The following ABL2 variants were observed in gnomAD, a reference collection of about 807,000 sequenced individuals.
The protein encoded by ABL2 is ABL proto-oncogene 2, non-receptor tyrosine kinase.
Under a neutral mutation model 107.7 loss-of-function variants are expected in ABL2, and 49 were observed. The observed-to-expected ratio is 0.45, with a 90% CI of 0.36 to 0.58. ABL2 has a LOEUF of 0.58. ABL2 is among the 20% of genes least tolerant of loss of function. The pLI is 0.00. For missense variants in ABL2, 1,245 were observed against 1,457.0 expected (o/e 0.85, Z 2.37); for synonymous variants, 549 against 548.6 (o/e 1.00, Z -0.01).
rs1313637834 is a variant in ABL2, at chr1:179,126,733, C to T, written c.392-61G>A. 2 of 1,450,062 alleles carry T rather than the reference C, an allele frequency of 1.4e-6. No individual in the cohort carries two copies. Among genetic ancestry groups the T allele is most frequent in the Non-Finnish European group, 1.9e-6 (2 of 1,066,820 alleles). The allele number at this position is 1,450,062 out of a possible 1,614,324, so 89.8% of individuals were successfully genotyped here. A position where few individuals can be genotyped will look rare whatever the true frequency, so the allele number is the denominator to read the frequency against. On this transcript the variant is annotated intron_variant, in intron 3 of 11. Transcript: ENST00000502732. This position sits in a 1 kb window ranked among gnomAD's most constrained non-coding sequence, Gnocchi z 4.4. Reference sequence around the variant, plus strand: ...TGTTAAGACTTTATTTCAACTGAAGCAGTGTACTGTCAAACTTTAAACTCA... The same window carrying T: ...TGTTAAGACTTTATTTCAACTGAAGTAGTGTACTGTCAAACTTTAAACTCA...
chr1:179,115,322 G>A (rs1352578338), intron 8 of ABL2, among the ~76,000 whole-genome samples: 2 of 152,116 alleles, frequency 1.3e-5, no homozygotes, highest in African/African-American at 4.8e-5. Context: ...AGAAGTCTGA[G>A]GCATAATCCA....
In ABL2 at chr1:179,229,245, C is replaced by A; in HGVS notation, c.153G>T (p.Gln51His). ...TTETGFNIFT[Q>H]HDHFASCVED... The stretch of plus-strand genomic sequence containing the variant: ...CCGGCTCCCAGACACACTCACCATG[C>A]TGGGTGAAGATATTGAAGCCGGTCT... Residue 51 changes from glutamine (Q) to histidine (H), a missense_variant, in exon 1 of 12, where the codon CAG becomes CAT. Gln to His is a conservative substitution (Grantham distance 24). Around this residue, in one of 3 missense-constraint regions of ABL2, gnomAD observed 164 missense variants for 143.7 expected, o/e 1.14. Transcript: ENST00000502732. 1 of 1,522,966 alleles carries A rather than the reference C, an allele frequency of 6.6e-7. No individual in the cohort carries two copies. The highest frequency in any genetic ancestry group is 8.8e-7 in the Non-Finnish European group (1 of 1,133,356). 94.3% of individuals were successfully genotyped at this position (1,522,966 alleles called of 1,614,324 possible).
Position 179,104,768 on chromosome 1 carries a change from GC to G in ABL2, c.*2949del. 4.6e-6 allele frequency: 1 copy of G among 218,500 alleles called. No homozygotes were observed. Among genetic ancestry groups the G allele is most frequent in the Non-Finnish European group, 9.2e-6 (1 of 108,708 alleles). 13.5% of individuals were successfully genotyped at this position (218,500 alleles called of 1,614,324 possible). Reference sequence around the variant, plus strand: ...ACATGAAAGGAATCAAGCAGTGGCAGCCCAAAGGCATGCATCCAGATATACA... The same window carrying G: ...ACATGAAAGGAATCAAGCAGTGGCAGCCAAAGGCATGCATCCAGATATACA... On this transcript the variant is annotated 3_prime_UTR_variant, in exon 12 of 12. Transcript: ENST00000502732.
At chr1:179,155,714 G>C (rs996951530) in intron 1 of ABL2, among the ~76,000 whole-genome samples, 1 of 146,192 alleles carries the variant, frequency 6.8e-6, no homozygotes, top group African/African-American at 2.6e-5. Flanking sequence ...CTGGGAGACA[G>C]AGCAAGACTC....
intron 1 of ABL2, among the ~76,000 whole-genome samples, chr1:179,211,694 C>T (rs561747378): frequency 8.6e-5 from 13 of 151,216 alleles, no homozygotes; most frequent in Admixed American, 5.3e-4. Context: ...GTCAGGAGTT[C>T]GAGACCAGCC....
intron 1 of ABL2, chr1:179,201,765 G>C (rs1461804656): frequency 5.8e-6 from 5 of 854,952 alleles, no homozygotes; most frequent in Non-Finnish European, 9.3e-6. Context: ...CACCAATAGG[G>C]AAAATTATAT....
chr1:179,164,161 C>A (rs1482684070), intron 1 of ABL2, among the ~76,000 whole-genome samples: 3 of 151,656 alleles, frequency 2.0e-5, no homozygotes, highest in Admixed American at 1.3e-4. Flanking sequence ...CAGAACCGTA[C>A]AATAAACCAA....
At chr1:179,198,054 T>C (rs955830323) in intron 1 of ABL2, among the ~76,000 whole-genome samples, 6 of 150,568 alleles carry the variant, frequency 4.0e-5, no homozygotes, top group Middle Eastern at 3.4e-3. Context: ...ACGTCTATAG[T>C]CCCGGCTACT....
intron 1 of ABL2, among the ~76,000 whole-genome samples, chr1:179,228,851 C>G (rs971663346): frequency 6.6e-6 from 1 of 152,162 alleles, no homozygotes; most frequent in South Asian, 2.1e-4. Flanking sequence ...GGATACAACC[C>G]ATTTCCCCTT....
rs1553212776 is a variant in ABL2, at chr1:179,106,826, G to A, written c.*892C>T. On this transcript the variant is annotated 3_prime_UTR_variant, in exon 12 of 12. Transcript: ENST00000502732. ...ATTCATTCCTTTGTGAGAACCTGTA[G>A]GGACTACTATTTTCAAAATCAACAC... The A allele has an allele frequency of 4.3e-6, 1 of 231,300 alleles. No individual in the cohort carries two copies. Among genetic ancestry groups the A allele is most frequent in the Non-Finnish European group, 8.6e-6 (1 of 116,956 alleles). The allele number at this position is 231,300 out of a possible 1,614,324, so 14.3% of individuals were successfully genotyped here.
chr1:179,103,892 T>C lies in ABL2; in HGVS notation c.*3826A>G. On this transcript the variant is annotated 3_prime_UTR_variant, in exon 12 of 12. Coordinates refer to ENST00000502732, the MANE Select transcript of ABL2 (RefSeq NM_007314.4). Reference sequence around the variant, plus strand: ...AATTTAACCATCTTCTGCTAGTTTCTTAATCTATAAACCAAAGGGTTGGGG... The same window carrying C: ...AATTTAACCATCTTCTGCTAGTTTCCTAATCTATAAACCAAAGGGTTGGGG... 1 of 232,198 alleles carries C rather than the reference T, an allele frequency of 4.3e-6. No homozygotes were observed. Among genetic ancestry groups the C allele is most frequent in the African/African-American group, 2.2e-5 (1 of 45,410 alleles). The allele number at this position is 232,198 out of a possible 1,614,324, so 14.4% of individuals were successfully genotyped here.
intron 1 of ABL2, among the ~76,000 whole-genome samples, chr1:179,178,021 C>T (rs1284933941): frequency 6.6e-6 from 1 of 152,144 alleles, no homozygotes; most frequent in East Asian, 1.9e-4. Flanking sequence ...GATATAATTA[C>T]ATAAAATGGA....
chr1:179,205,811 A>G (rs1366116721), intron 1 of ABL2, among the ~76,000 whole-genome samples: 1 of 152,198 alleles, frequency 6.6e-6, no homozygotes, highest in Non-Finnish European at 1.5e-5. Context: ...AATAAAATGT[A>G]AGCAAACAAG....
Position 179,117,525 on chromosome 1 carries a change from A to G in ABL2, c.1224-9T>C. 11 of 1,613,742 alleles carry G rather than the reference A, an allele frequency of 6.8e-6. No homozygotes were observed. Among genetic ancestry groups the G allele is most frequent in the Non-Finnish European group, 7.6e-6 (9 of 1,179,940 alleles). On this transcript the variant is annotated splice_polypyrimidine_tract_variant and intron_variant, in intron 7 of 11. Transcript: ENST00000502732. The stretch of plus-strand genomic sequence containing the variant: ...TACGAGCTGCAAGATCTCTGTGGGA[A>G]AGAGAACCCTAATGTGATTCCATTC...
At chr1:179,134,357 T>C (rs1295019432) in intron 1 of ABL2, among the ~76,000 whole-genome samples, 5 of 152,118 alleles carry the variant, frequency 3.3e-5, no homozygotes, top group Admixed American at 3.3e-4. Flanking sequence ...ACCAGCCTGA[T>C]CAACATAGTG....
At chr1:179,145,929 T>C (rs1182998008) in intron 1 of ABL2, among the ~76,000 whole-genome samples, 1 of 150,494 alleles carries the variant, frequency 6.6e-6, no homozygotes, top group African/African-American at 2.4e-5. Flanking sequence ...GGTCTTGCTC[T>C]GTCTCCCAGG....
At chr1:179,167,494 TG>T (rs1659458765) in intron 1 of ABL2, among the ~76,000 whole-genome samples, 1 of 152,214 alleles carries the variant, frequency 6.6e-6, no homozygotes, top group Non-Finnish European at 1.5e-5. Context: ...TAAGTTCTAA[TG>T]TTCATTGACA....
intron 1 of ABL2, 50 bp downstream of exon 1, chr1:179,229,191 C>A (rs773400365): frequency 1.9e-6 from 2 of 1,042,276 alleles, no homozygotes; most frequent in South Asian, 3.5e-5. Context: ...CGCCCCGACC[C>A]CACCCCCGGC....
intron 1 of ABL2, among the ~76,000 whole-genome samples, chr1:179,140,051 T>C (rs1657432397): frequency 6.6e-6 from 1 of 152,218 alleles, no homozygotes; most frequent in Admixed American, 6.5e-5. Context: ...ATTCTCAACA[T>C]ACCAGCCATC....
Sources: allele counts gnomAD v4.1 joint callset (sites outside exome capture counted in the v4.1 genomes callset), GRCh38; gene constraint gnomAD v4.1.1; regional missense constraint gnomAD v4.1.1; non-coding constraint Gnocchi (gnomAD v3.1); transcripts MANE v1.5; gene names NCBI Gene and HGNC (gene_info 2026-07-23, HGNC 2026-07-21).